FBXL17: variants seen among roughly 807,000 people sequenced by gnomAD.
FBXL17 encodes the protein F-box/LRR-repeat protein 17.
In FBXL17, 22 loss-of-function variants were observed where a neutral mutation model predicts 66.2. That is an observed-to-expected ratio of 0.33 (90% confidence interval 0.24 to 0.47). The LOEUF is 0.47. Ranked by LOEUF, FBXL17 falls within the 20% of genes least tolerant of loss-of-function variation. The probability of loss-of-function intolerance (pLI) is 1.00; values close to 1 mark genes in which losing one functional copy is unlikely to be tolerated. For missense variants in FBXL17, 878 were observed against 948.2 expected, an observed-to-expected ratio of 0.93 and a Z score of 0.97; for synonymous variants, 474 against 400.5, an observed-to-expected ratio of 1.18 and a Z score of -2.19.
chr5:108,208,637 T>A (rs1351793234), intron 5 of FBXL17, among the ~76,000 whole-genome samples: 1 of 152,174 alleles, frequency 6.6e-6, no homozygotes, highest in African/African-American at 2.4e-5. Flanking sequence ...GTGGTGTTAT[T>A]TCTTAGGTCT....
intron 4 of FBXL17, among the ~76,000 whole-genome samples, chr5:108,311,893 C>T (rs2966791): frequency 0.043 from 6,542 of 152,124 alleles, 771 homozygotes; most frequent in East Asian, 0.39. Context: ...GTTCTAGGTA[C>T]TTATGTAAGA....
In FBXL17 at chr5:107,900,636, A is replaced by C. The variant is rs76229231; in HGVS notation, c.1823-19457T>G. Among the ~76,000 whole-genome samples, 99 of 150,948 alleles carry C rather than the reference A, an allele frequency of 6.6e-4. 1 individual carries two copies. The East Asian group carries it at 0.011, about 17-fold the overall frequency. On this transcript the variant is annotated intron_variant, in intron 7 of 8. Transcript: ENST00000542267. Reference sequence around the variant, plus strand: ...GCTTATAACTACTATGTGCTTAAAAATTATTTGTGTGCATTAAATGCATTA... The same window carrying C: ...GCTTATAACTACTATGTGCTTAAAACTTATTTGTGTGCATTAAATGCATTA...
At chr5:108,015,578 TAATA>T (rs1443063821) in intron 7 of FBXL17, among the ~76,000 whole-genome samples, 6 of 152,140 alleles carry the variant, frequency 3.9e-5, no homozygotes, top group Non-Finnish European at 8.8e-5. Context: ...TAAAATAACA[TAATA>T]AAGAGCAAAA....
At chr5:108,225,489 C>T (rs1443415968) in intron 4 of FBXL17, among the ~76,000 whole-genome samples, 1 of 152,140 alleles carries the variant, frequency 6.6e-6, no homozygotes, top group East Asian at 1.9e-4. Flanking sequence ...GAGATGCACA[C>T]ACAGGGAGAA....
intron 7 of FBXL17, among the ~76,000 whole-genome samples, chr5:107,895,198 C>A (rs181814088): frequency 6.6e-6 from 1 of 152,050 alleles, no homozygotes; most frequent in East Asian, 1.9e-4. Context: ...CTAGATACTA[C>A]CTTTAAGAAT....
intron 4 of FBXL17, among the ~76,000 whole-genome samples, chr5:108,335,470 T>G (rs986231821): frequency 1.3e-5 from 2 of 152,084 alleles, no homozygotes; most frequent in Admixed American, 6.6e-5. Context: ...CAAATAACCT[T>G]AGACATGTAC....
intron 5 of FBXL17, among the ~76,000 whole-genome samples, chr5:108,214,889 C>T (rs2966809): frequency 0.39 from 59,302 of 151,962 alleles, 12,326 homozygotes; most frequent in African/African-American, 0.54. Flanking sequence ...TCAGAACATT[C>T]TCATTAGACT....
chr5:107,967,717 T>A (rs1477346359), intron 7 of FBXL17, among the ~76,000 whole-genome samples: 2 of 152,012 alleles, frequency 1.3e-5, no homozygotes, highest in Non-Finnish European at 2.9e-5. Context: ...ACATTTTCAA[T>A]ATTTTACCTA....
At chr5:108,257,739 C>T (rs547773346) in intron 4 of FBXL17, among the ~76,000 whole-genome samples, 3 of 152,192 alleles carry the variant, frequency 2.0e-5, no homozygotes, top group East Asian at 3.9e-4. Context: ...GACTCAGTCA[C>T]GACCTGATAA....
At position 107,861,875 on chromosome 5, in the gene FBXL17, G is replaced by C; in HGVS notation, c.1966-15C>G. 6.6e-7 allele frequency: 1 copy of C among 1,504,468 alleles called. No homozygotes were observed. The highest frequency in any genetic ancestry group is 8.9e-7 in the Non-Finnish European group (1 of 1,117,770). 93.2% of individuals were successfully genotyped at this position (1,504,468 alleles called of 1,614,324 possible). A position where few individuals can be genotyped will look rare whatever the true frequency, so the allele number is the denominator to read the frequency against. On this transcript the variant is annotated splice_polypyrimidine_tract_variant and intron_variant, in intron 8 of 8. Coordinates refer to ENST00000542267, the MANE Select transcript of FBXL17 (RefSeq NM_001163315.3). ...ACTTCGTTGACCTGCAAACAAAGAA[G>C]AGTCACCATCACGCACAGAGACCAC... is the stretch of plus-strand genomic sequence containing the variant.
chr5:108,356,983 TTA>T (rs1456810101), intron 3 of FBXL17, among the ~76,000 whole-genome samples: 6 of 151,974 alleles, frequency 3.9e-5, no homozygotes, highest in Non-Finnish European at 8.8e-5. Context: ...AACTCCTCTT[TTA>T]AAGGCTTTTA....
At chr5:108,253,097 A>T (rs957658907) in intron 4 of FBXL17, among the ~76,000 whole-genome samples, 10 of 152,176 alleles carry the variant, frequency 6.6e-5, no homozygotes, top group Non-Finnish European at 1.5e-4. Flanking sequence ...TCTCAAAACA[A>T]ACATTCAAAA....
chr5:108,353,933 C>T (rs983281874), intron 3 of FBXL17, among the ~76,000 whole-genome samples: 2 of 152,160 alleles, frequency 1.3e-5, no homozygotes, highest in Non-Finnish European at 2.9e-5. Flanking sequence ...TATCCCTTAT[C>T]CAAAATGTTT....
At chr5:108,320,490 A>G (rs1759567684) in intron 4 of FBXL17, among the ~76,000 whole-genome samples, 1 of 151,800 alleles carries the variant, frequency 6.6e-6, no homozygotes, top group Non-Finnish European at 1.5e-5. Flanking sequence ...AGAAAAGAGA[A>G]CTAAAAAAAT....
chr5:108,173,973 GGTT>G (rs1385272120), intron 6 of FBXL17, among the ~76,000 whole-genome samples: 2 of 152,106 alleles, frequency 1.3e-5, no homozygotes, highest in African/African-American at 2.4e-5. Flanking sequence ...TGTCAAATCT[GGTT>G]GTTAATTTAT....
At chr5:108,210,890 T>C (rs527396011) in intron 5 of FBXL17, among the ~76,000 whole-genome samples, 8 of 152,312 alleles carry the variant, frequency 5.3e-5, no homozygotes, top group African/African-American at 1.9e-4. Context: ...CTCATTGATC[T>C]GTCTAATATT....
chr5:107,941,814 C>G (rs1230768871), intron 7 of FBXL17, among the ~76,000 whole-genome samples: 1 of 152,122 alleles, frequency 6.6e-6, no homozygotes, highest in Non-Finnish European at 1.5e-5. Flanking sequence ...TTATGCATCC[C>G]CCTTCCTCCA....
At chr5:108,188,338 A>G (rs1234301798) in intron 5 of FBXL17, among the ~76,000 whole-genome samples, 1 of 152,228 alleles carries the variant, frequency 6.6e-6, no homozygotes, top group Non-Finnish European at 1.5e-5. Context: ...TAACTGAGAC[A>G]GAAAGTGTAT....
intron 7 of FBXL17, among the ~76,000 whole-genome samples, chr5:108,008,682 C>T (rs1754029030): frequency 6.6e-6 from 1 of 152,078 alleles, no homozygotes; most frequent in Non-Finnish European, 1.5e-5. Flanking sequence ...CTAGCATATT[C>T]AGAAAATATC....
Sources: gnomAD v4.1 joint callset for allele counts (sites outside exome capture counted in the v4.1 genomes callset) on GRCh38, gnomAD v4.1.1 for gene constraint, MANE v1.5 for transcripts, NCBI Gene and HGNC (gene_info 2026-07-23, HGNC 2026-07-21) for gene names.